The following NUCB2 variants were observed in gnomAD, a reference collection of about 807,000 sequenced individuals.
NUCB2 encodes the protein nucleobindin 2, also known as nucleobindin-2.
Under a neutral mutation model 57.9 loss-of-function variants are expected in NUCB2, and 48 were observed. The observed-to-expected ratio is 0.83, with a 90% CI of 0.66 to 1.05. The LOEUF (loss-of-function observed/expected upper bound fraction) is 1.05, where lower values mean the gene tolerates loss of function less well. Among genes scored for constraint, NUCB2 ranks in the 50% least tolerant of loss-of-function variants. The pLI is 0.00. For synonymous variants in NUCB2, 139 were observed against 152.1 expected (o/e 0.91, Z 0.64); for missense variants, 442 against 476.2 (o/e 0.93, Z 0.67).
At chr11:17,301,722 A>G (rs1359057255) in intron 4 of NUCB2, 22 bp from the exon 5 acceptor site, 1 of 1,590,610 alleles carries the variant, frequency 6.3e-7, no homozygotes, top group Admixed American at 1.7e-5. Flanking sequence ...AGATAAAACT[A>G]ACTTACTAAT....
chr11:17,319,845 C>G (rs1244844419), intron 11 of NUCB2, among the ~76,000 whole-genome samples: 3 of 151,840 alleles, frequency 2.0e-5, no homozygotes, highest in Admixed American at 6.6e-5. Flanking sequence ...AGGTATTAAG[C>G]CCTCATACCC....
intron 2 of NUCB2, among the ~76,000 whole-genome samples, chr11:17,291,612 A>T (rs1345282236): frequency 6.6e-6 from 1 of 151,770 alleles, no homozygotes; most frequent in Admixed American, 6.6e-5. Flanking sequence ...TTGGCTTTGA[A>T]ATGGCAGTCA....
At chr11:17,299,269 G>T (rs1328564799) in intron 4 of NUCB2, among the ~76,000 whole-genome samples, 1 of 152,078 alleles carries the variant, frequency 6.6e-6, no homozygotes, top group Non-Finnish European at 1.5e-5. Flanking sequence ...TACCTTCGGG[G>T]TGTCCAATTC....
chr11:17,339,181 T>A (rs1018890903), intron 2 of NUCB2, among the ~76,000 whole-genome samples: 5 of 151,008 alleles, frequency 3.3e-5, no homozygotes, highest in African/African-American at 1.2e-4. Flanking sequence ...AGAGACGGGG[T>A]TTTGCCATGT....
At chr11:17,318,782 ATATAAG>A (rs879402563) in intron 11 of NUCB2, among the ~76,000 whole-genome samples, 5 of 152,220 alleles carry the variant, frequency 3.3e-5, no homozygotes, top group African/African-American at 4.8e-5. Context: ...GTCTACACTG[ATATAAG>A]TAGAGGGAGA....
intron 11 of NUCB2, among the ~76,000 whole-genome samples, chr11:17,315,882 T>C (rs1397500802): frequency 7.0e-6 from 1 of 141,970 alleles, no homozygotes; most frequent in Non-Finnish European, 1.6e-5. Context: ...TATGCACATA[T>C]ACAGTATGTA....
intron 6 of NUCB2, among the ~76,000 whole-genome samples, 189 bp from the exon 7 acceptor site, chr11:17,310,636 C>T (rs1948345722): frequency 6.9e-6 from 1 of 145,108 alleles, no homozygotes; most frequent in South Asian, 2.2e-4. Flanking sequence ...ACGGGTGAAA[C>T]TCCGTCTCAA....
chr11:17,310,137 G>A (rs1186589639), intron 6 of NUCB2, among the ~76,000 whole-genome samples: 1 of 152,126 alleles, frequency 6.6e-6, no homozygotes, highest in African/African-American at 2.4e-5. Flanking sequence ...TGTGTGAATG[G>A]AACTAGTTCT....
intron 2 of NUCB2, among the ~76,000 whole-genome samples, chr11:17,287,890 C>G (rs1944057429): frequency 6.6e-6 from 1 of 152,002 alleles, no homozygotes; most frequent in Non-Finnish European, 1.5e-5. Context: ...ATCCCAGCTA[C>G]TTGGGAGGCT....
exon 3 of NUCB2, chr11:17,349,383 G>C (rs898577796): frequency 1.3e-5 from 2 of 152,170 alleles, no homozygotes; most frequent in African/African-American, 4.8e-5. Context: ...GAGGTTTCAC[G>C]AGTCATCAGG....
chr11:17,307,801 A>C (rs1465902526), intron 5 of NUCB2, among the ~76,000 whole-genome samples: 1 of 152,032 alleles, frequency 6.6e-6, no homozygotes, highest in East Asian at 1.9e-4. Flanking sequence ...GCCAAATCAA[A>C]TTATATATAT....
intron 2 of NUCB2, chr11:17,291,236 A>G (rs1166891158): frequency 6.6e-6 from 1 of 152,038 alleles, no homozygotes; most frequent in African/African-American, 2.4e-5. Context: ...TTATTTTTAA[A>G]CAGATTTCTC....
chr11:17,283,535 C>T (rs796835845), intron 2 of NUCB2: 6 of 152,212 alleles, frequency 3.9e-5, no homozygotes, highest in African/African-American at 7.2e-5. Flanking sequence ...ATAAGTCTGA[C>T]TATTAACTAC....
intron 2 of NUCB2, among the ~76,000 whole-genome samples, chr11:17,345,577 G>A (rs1324749676): frequency 6.6e-6 from 1 of 152,032 alleles, no homozygotes; most frequent in Non-Finnish European, 1.5e-5. Flanking sequence ...CGTGGTGGTG[G>A]GCGCCTGTAA....
At chr11:17,347,014 G>A (rs1343365564) in intron 2 of NUCB2, among the ~76,000 whole-genome samples, 21 of 152,230 alleles carry the variant, frequency 1.4e-4, no homozygotes, top group Non-Finnish European at 1.5e-5. Context: ...TGAGGACACA[G>A]CCATGACACA....
chr11:17,284,047 G>A (rs1943189903), intron 2 of NUCB2, among the ~76,000 whole-genome samples: 1 of 150,632 alleles, frequency 6.6e-6, no homozygotes, highest in South Asian at 2.1e-4. Flanking sequence ...TTTTTTTGTT[G>A]AGACGGAGTC....
chr11:17,306,828 C>T (rs1416827974), intron 5 of NUCB2, among the ~76,000 whole-genome samples: 1 of 151,366 alleles, frequency 6.6e-6, no homozygotes, highest in Non-Finnish European at 1.5e-5. Context: ...AGGAGAATCG[C>T]TTGAACACAG....
chr11:17,349,346 T>C (rs1953039222), exon 3 of NUCB2: 1 of 152,176 alleles, frequency 6.6e-6, no homozygotes, highest in African/African-American at 2.4e-5. Flanking sequence ...GTTCCACAGG[T>C]CCAGAGGTGT....
chr11:17,316,231 A>G (rs1422214909), intron 11 of NUCB2, among the ~76,000 whole-genome samples: 1 of 152,104 alleles, frequency 6.6e-6, no homozygotes, highest in African/African-American at 2.4e-5. Context: ...CAGCCTCCCA[A>G]AGTACTGGGA....
Sources: allele counts gnomAD v4.1 joint callset (sites outside exome capture counted in the v4.1 genomes callset), GRCh38; gene constraint gnomAD v4.1.1; transcripts MANE v1.5; gene names NCBI Gene and HGNC (gene_info 2026-07-23, HGNC 2026-07-21).